The following TRPM3 variants were observed in gnomAD, a reference collection of about 807,000 sequenced individuals.
TRPM3 encodes long transient receptor potential channel 3.
TRPM3 carries 77 observed loss-of-function variants against 181.2 expected under a neutral mutation model. The observed-to-expected ratio is 0.42, with a 90% CI of 0.35 to 0.51. The LOEUF is 0.51. Ranked by LOEUF, TRPM3 falls within the 20% of genes least tolerant of loss-of-function variation. The pLI is 0.01. For synonymous variants in TRPM3, 745 were observed against 796.4 expected, an observed-to-expected ratio of 0.94 and a Z score of 1.09; for missense variants, 1,759 against 2,196.7, an observed-to-expected ratio of 0.80 and a Z score of 3.98.
At chr9:70,801,316 G>T (rs141170765) in intron 6 of TRPM3, among the ~76,000 whole-genome samples, 1 of 152,144 alleles carries the variant, frequency 6.6e-6, no homozygotes, top group Non-Finnish European at 1.5e-5. Flanking sequence ...AAGGCTCACC[G>T]TTGCCCCTCC....
rs545614721 is a variant in TRPM3, at chr9:70,797,746, C to T, written c.974-13467G>A. Among the ~76,000 whole-genome samples, 31 of 152,308 alleles carry T rather than the reference C, an allele frequency of 2.0e-4. No individual in the cohort carries two copies. In the South Asian group the frequency reaches 3.5e-3, roughly 17 times the overall value. On this transcript the variant is annotated intron_variant, in intron 6 of 25. Transcript: ENST00000677713. Reference sequence around the variant, plus strand: ...CACCCGGTGAATTTGAAAAGACTAACGGTTTGCTCAGCTCTGCCTGGCTCT... The same window carrying T: ...CACCCGGTGAATTTGAAAAGACTAATGGTTTGCTCAGCTCTGCCTGGCTCT...
intron 1 of TRPM3, among the ~76,000 whole-genome samples, chr9:71,152,018 TG>T (rs2075763071): frequency 6.6e-6 from 1 of 152,140 alleles, no homozygotes; most frequent in Admixed American, 6.5e-5. Flanking sequence ...AACCCTGGCT[TG>T]TTTTTCAATC....
intron 1 of TRPM3, among the ~76,000 whole-genome samples, chr9:70,940,715 C>T (rs910003397): frequency 6.6e-6 from 1 of 152,174 alleles, no homozygotes; most frequent in Non-Finnish European, 1.5e-5. Flanking sequence ...GGCATTGGAA[C>T]TAACACTGAA....
chr9:70,683,663 A>G (rs1326640434), intron 8 of TRPM3, among the ~76,000 whole-genome samples: 2 of 152,006 alleles, frequency 1.3e-5, no homozygotes, highest in East Asian at 3.9e-4. Flanking sequence ...GCCGTCAGGT[A>G]GAGGTGTGTC....
intron 1 of TRPM3, among the ~76,000 whole-genome samples, chr9:70,933,839 T>C (rs535151374): frequency 1.3e-5 from 2 of 152,018 alleles, no homozygotes; most frequent in African/African-American, 2.4e-5. Flanking sequence ...GTTGGGTTCC[T>C]GAGAAGGGCA....
At chr9:71,169,972 G>A (rs2076763230) in intron 1 of TRPM3, among the ~76,000 whole-genome samples, 1 of 128,464 alleles carries the variant, frequency 7.8e-6, no homozygotes, top group South Asian at 2.5e-4. Flanking sequence ...CTGCACTCCA[G>A]CCTGGGTGAC....
intron 7 of TRPM3, among the ~76,000 whole-genome samples, chr9:70,773,557 A>G (rs1052937817): frequency 2.6e-5 from 4 of 152,192 alleles, no homozygotes; most frequent in African/African-American, 7.2e-5. Context: ...ATTCTTCTCT[A>G]TGAAACACTG....
intron 1 of TRPM3, among the ~76,000 whole-genome samples, chr9:70,983,803 T>C (rs2097391508): frequency 6.6e-6 from 1 of 152,232 alleles, no homozygotes; most frequent in African/African-American, 2.4e-5. Flanking sequence ...ATGCTGCCAG[T>C]TATTAATCAA....
At chr9:71,210,195 T>C (rs573858507) in intron 1 of TRPM3, among the ~76,000 whole-genome samples, 2 of 152,256 alleles carry the variant, frequency 1.3e-5, no homozygotes, top group South Asian at 2.1e-4. Flanking sequence ...TTGTGAACTA[T>C]ACATGTGAGG....
chr9:71,027,920 C>T (rs1259447099), intron 1 of TRPM3, among the ~76,000 whole-genome samples: 1 of 152,134 alleles, frequency 6.6e-6, no homozygotes, highest in Non-Finnish European at 1.5e-5. Flanking sequence ...AAAACTTCCC[C>T]AACCTAGCTA....
chr9:70,682,634 C>T (rs1317929778), intron 8 of TRPM3, among the ~76,000 whole-genome samples: 1 of 152,074 alleles, frequency 6.6e-6, no homozygotes, highest in African/African-American at 2.4e-5. Flanking sequence ...TGGCCTCAGG[C>T]ATAACTCTCA....
At position 71,121,310 on chromosome 9, in the gene TRPM3, C is replaced by T; in HGVS notation, c.45G>A (p.Gln15=). ...WGTVYFLGIA[Q]VFSFLFSWWN... The stretch of plus-strand genomic sequence containing the variant: ...ACCAGGAAAACAAGAAACTGAAAAC[C>T]TGAGCAATGCCTAGAAAATAAACGG... Residue 15 remains glutamine, a synonymous_variant, in exon 1 of 26, where the codon CAG becomes CAA. Coordinates refer to ENST00000677713, the MANE Select transcript of TRPM3 (RefSeq NM_001366145.2). 6.2e-7 allele frequency: 1 copy of T among 1,613,996 alleles called. No homozygotes were observed.
intron 1 of TRPM3, among the ~76,000 whole-genome samples, chr9:71,409,287 T>A (rs867057655): frequency 2.6e-5 from 4 of 152,276 alleles, no homozygotes; most frequent in East Asian, 1.9e-4. Flanking sequence ...ATGGGCTAAA[T>A]GCCTCAATTA....
intron 1 of TRPM3, among the ~76,000 whole-genome samples, chr9:71,295,329 T>C (rs1011533253): frequency 3.3e-5 from 5 of 152,066 alleles, no homozygotes; most frequent in African/African-American, 1.2e-4. Flanking sequence ...AGTACTATTG[T>C]AGAATGAGAG....
intron 1 of TRPM3, among the ~76,000 whole-genome samples, chr9:71,314,306 T>C (rs1389851157): frequency 6.6e-6 from 1 of 152,174 alleles, no homozygotes; most frequent in Admixed American, 6.6e-5. Flanking sequence ...CATAAATTGA[T>C]AGCATTTTAT....
At chr9:71,267,692 A>G (rs2083484446) in intron 1 of TRPM3, among the ~76,000 whole-genome samples, 1 of 152,182 alleles carries the variant, frequency 6.6e-6, no homozygotes, top group South Asian at 2.1e-4. Flanking sequence ...GTGATTATTA[A>G]TTATACTTTT....
intron 8 of TRPM3, among the ~76,000 whole-genome samples, chr9:70,760,171 G>T (rs566278433): frequency 7.9e-5 from 12 of 151,790 alleles, no homozygotes; most frequent in African/African-American, 2.9e-4. Flanking sequence ...AGCCTCATTT[G>T]GTTTTATGAC....
At chr9:71,150,072 A>T in intron 1 of TRPM3, among the ~76,000 whole-genome samples, 1 of 152,310 alleles carries the variant, frequency 6.6e-6, no homozygotes, top group Non-Finnish European at 1.5e-5. Flanking sequence ...AGCAATATAA[A>T]ATAAGAAATA....
At chr9:71,147,424 GACACACACAC>G (rs34795244) in intron 1 of TRPM3, among the ~76,000 whole-genome samples, 7 of 144,928 alleles carry the variant, frequency 4.8e-5, no homozygotes, top group South Asian at 2.3e-4. Flanking sequence ...GCAACACACA[GACACACACAC>G]ACACACACAC....
Sources: allele counts gnomAD v4.1 joint callset (sites outside exome capture counted in the v4.1 genomes callset), GRCh38; gene constraint gnomAD v4.1.1; transcripts MANE v1.5; gene names NCBI Gene and HGNC (gene_info 2026-07-23, HGNC 2026-07-21).